The following FRMD6 variants were observed in gnomAD, a reference collection of about 807,000 sequenced individuals.
The protein encoded by FRMD6 is FERM domain containing 6.
Under a neutral mutation model 73.2 loss-of-function variants are expected in FRMD6, and 37 were observed. The ratio of observed to expected loss-of-function variants is 0.51; its 90% CI spans 0.39 to 0.66. The LOEUF is 0.66. FRMD6 is among the 30% of genes least tolerant of loss of function. FRMD6 has a pLI of 0.00. For missense variants in FRMD6, 714 were observed against 780.5 expected (o/e 0.91, Z 1.02); for synonymous variants, 273 against 282.2 (o/e 0.97, Z 0.33).
At chr14:51,495,681 G>A (rs982969908) in intron 1 of FRMD6, among the ~76,000 whole-genome samples, 4 of 152,174 alleles carry the variant, frequency 2.6e-5, no homozygotes, top group African/African-American at 4.8e-5. Context: ...CTGACACTGA[G>A]CCAGCTAACA....
chr14:51,654,443 CAT>C (rs1272542335), intron 1 of FRMD6, among the ~76,000 whole-genome samples: 1 of 152,012 alleles, frequency 6.6e-6, no homozygotes, highest in Non-Finnish European at 1.5e-5. Flanking sequence ...AAGTTTCAAA[CAT>C]AATTGTTTTT....
At chr14:51,463,520 G>A in the FRMD6 span, among the ~76,000 whole-genome samples, 2 of 152,174 alleles carry the variant, frequency 1.3e-5, no homozygotes, top group African/African-American at 4.8e-5. Flanking sequence ...CATGAATATG[G>A]AGGGCCAATT....
chr14:51,643,946 ATAGTT>A (rs1236096898), intron 2 of FRMD6, among the ~76,000 whole-genome samples: 1 of 152,188 alleles, frequency 6.6e-6, no homozygotes, highest in African/African-American at 2.4e-5. Flanking sequence ...TGGAGGATGT[ATAGTT>A]AAGTATAGTT....
chr14:51,469,695 T>G, the FRMD6 span, among the ~76,000 whole-genome samples: 3 of 152,250 alleles, frequency 2.0e-5, no homozygotes, highest in East Asian at 5.8e-4. Flanking sequence ...TGCCAACATT[T>G]TATTAAGAAT....
chr14:51,613,556 T>C (rs1890595490), intron 2 of FRMD6, among the ~76,000 whole-genome samples: 2 of 152,160 alleles, frequency 1.3e-5, no homozygotes, highest in Admixed American at 1.3e-4. Context: ...AATGTGTATC[T>C]GAAAACACCA....
At chr14:51,714,117 G>A (rs974916928) in intron 9 of FRMD6, 4 of 152,164 alleles carry the variant, frequency 2.6e-5, no homozygotes, top group African/African-American at 9.7e-5. Flanking sequence ...GCTCTGCCTA[G>A]CTGTATGACC....
At chr14:51,556,493 T>G (rs1233265662) in intron 1 of FRMD6, among the ~76,000 whole-genome samples, 6 of 152,164 alleles carry the variant, frequency 3.9e-5, no homozygotes, top group African/African-American at 1.4e-4. Context: ...TGACATTTAC[T>G]TAATTGCTTT....
At chr14:51,565,616 T>A (rs888410608) in intron 1 of FRMD6, among the ~76,000 whole-genome samples, 5 of 152,068 alleles carry the variant, frequency 3.3e-5, no homozygotes, top group African/African-American at 1.2e-4. Flanking sequence ...GGGTCGTCCT[T>A]GTTTTGTTTA....
chr14:51,551,399 C>T (rs1451131247), intron 1 of FRMD6, among the ~76,000 whole-genome samples: 3 of 152,076 alleles, frequency 2.0e-5, no homozygotes, highest in Non-Finnish European at 4.4e-5. Flanking sequence ...TCCTATTATA[C>T]ACAGAGAACA....
At chr14:51,472,316 T>C in the FRMD6 span, among the ~76,000 whole-genome samples, 32 of 152,038 alleles carry the variant, frequency 2.1e-4, no homozygotes, top group Admixed American at 2.0e-3. Context: ...ATAATAATTA[T>C]TTTTTGAGAC....
chr14:51,456,026 A>T, the FRMD6 span, among the ~76,000 whole-genome samples: 1 of 152,160 alleles, frequency 6.6e-6, no homozygotes, highest in Non-Finnish European at 1.5e-5. Context: ...GGAGAGGAGC[A>T]GTTCCTTGCA....
chr14:51,492,739 A>G (rs1280537622), intron 1 of FRMD6, among the ~76,000 whole-genome samples: 1 of 152,220 alleles, frequency 6.6e-6, no homozygotes, highest in African/African-American at 2.4e-5. Flanking sequence ...GTGTTTTACT[A>G]TCCTCTTTAC....
At chr14:51,666,049 G>T (rs1469395776) in intron 1 of FRMD6, among the ~76,000 whole-genome samples, 1 of 152,176 alleles carries the variant, frequency 6.6e-6, no homozygotes, top group Non-Finnish European at 1.5e-5. Context: ...GCTTCCAGTG[G>T]GTGGTAATCT....
chr14:51,523,645 G>A (rs981881445), intron 1 of FRMD6, among the ~76,000 whole-genome samples: 1 of 152,124 alleles, frequency 6.6e-6, no homozygotes, highest in Non-Finnish European at 1.5e-5. Context: ...GAATAGGATG[G>A]TGACAAATTC....
Position 51,711,518 on chromosome 14 carries a change from C to T in FRMD6, c.715-13C>T, listed in dbSNP as rs972113521. The T allele has an allele frequency of 3.2e-6, 5 of 1,553,646 alleles. No homozygotes were observed. The highest frequency in any genetic ancestry group is 3.5e-6 in the Non-Finnish European group (4 of 1,130,450). On this transcript the variant is annotated splice_polypyrimidine_tract_variant and intron_variant, in intron 7 of 13. Transcript: ENST00000344768. ...AAAAACATTTAATTTTTTATAAAAT[C>T]CTATTCCTACAGGATAAAAGGGAAA...
intron 1 of FRMD6, among the ~76,000 whole-genome samples, chr14:51,548,850 T>C (rs1886621710): frequency 1.3e-5 from 2 of 152,208 alleles, no homozygotes; most frequent in Admixed American, 1.3e-4. Context: ...ACCAGCAACG[T>C]CAGCATCACC....
chr14:51,712,520 C>T lies in FRMD6; in HGVS notation c.818C>T (p.Pro273Leu). The stretch of plus-strand genomic sequence containing the variant: ...GAGAAACAATTACTTTATGATTTCC[C>T]CTGGACAAATGTTGGAAAATTGGTG... ...DEEKQLLYDF[P>L]WTNVGKLVFV... Residue 273 changes from proline to leucine, a missense_variant, in exon 9 of 14, where the codon CCC becomes CTC. Transcript: ENST00000344768. The T allele has an allele frequency of 6.2e-7, 1 of 1,602,918 alleles. No homozygotes were observed. Among genetic ancestry groups the T allele is most frequent in the Non-Finnish European group, 8.5e-7 (1 of 1,170,606 alleles).
At chr14:51,415,953 G>C in the FRMD6 span, among the ~76,000 whole-genome samples, 1 of 152,172 alleles carries the variant, frequency 6.6e-6, no homozygotes, top group African/African-American at 2.4e-5. Context: ...AGGTGTTATA[G>C]TATTCTCTGA....
intron 11 of FRMD6, 72 bp downstream of exon 11, chr14:51,720,462 T>A (rs1356774560): frequency 3.5e-6 from 5 of 1,434,392 alleles, no homozygotes; most frequent in Admixed American, 1.8e-5. Context: ...TCTATAGAAC[T>A]GGTGTCTGGA....
Sources: gnomAD v4.1 joint callset for allele counts (sites outside exome capture counted in the v4.1 genomes callset) on GRCh38, gnomAD v4.1.1 for gene constraint, MANE v1.5 for transcripts, NCBI Gene and HGNC (gene_info 2026-07-23, HGNC 2026-07-21) for gene names.